Variants in KCNA7 observed in about 807,000 individuals in gnomAD.
KCNA7 encodes potassium voltage-gated channel subfamily A member 7, also known as potassium channel, voltage gated shaker related subfamily A, member 7.
KCNA7 carries 15 observed loss-of-function variants against 21.5 expected under a neutral mutation model. That is an observed-to-expected ratio of 0.70 (90% CI 0.47 to 1.07). The LOEUF is 1.07. Among genes scored for constraint, KCNA7 ranks in the 50% least tolerant of loss-of-function variants. KCNA7 has a pLI of 0.00. For missense variants in KCNA7, 640 were observed against 651.6 expected, an observed-to-expected ratio of 0.98 and a Z score of 0.19; for synonymous variants, 298 against 291.0, an observed-to-expected ratio of 1.02 and a Z score of -0.24.
chr19:49,072,364 G>T lies in KCNA7; in HGVS notation c.222C>A (p.Ser74=). 1 of 1,594,082 alleles carries T rather than the reference G, an allele frequency of 6.3e-7. No homozygotes were observed. Among genetic ancestry groups the T allele is most frequent in the Non-Finnish European group, 8.5e-7 (1 of 1,175,228 alleles). The part of the protein sequence containing the change: ...SFDAVLYYYQ[S]GGRLRRPAHV... Reference sequence around the variant, plus strand: ...GCGCCGGCCGCCGCAGCCGCCCACCGGACTGGTAGTAGTAGAGCACGGCGT... The same window carrying T: ...GCGCCGGCCGCCGCAGCCGCCCACCTGACTGGTAGTAGTAGAGCACGGCGT... The change falls in exon 1 of 2, where the codon TCC becomes TCA. Residue 74 remains serine, a synonymous_variant. Transcript: ENST00000221444.
rs771254385 is a variant in KCNA7 at position 49,070,027 on chromosome 19, A to G, written c.*36T>C. ...CACCCTGCCCTCCCTCCCTCCCTCTAGGGAGGTGTGAGGTCCTGCAGACCT... is the reference window on the plus strand; with the variant it reads ...CACCCTGCCCTCCCTCCCTCCCTCTGGGGAGGTGTGAGGTCCTGCAGACCT... On this transcript the variant is annotated 3_prime_UTR_variant, in exon 2 of 2. Transcript: ENST00000221444. This position sits in a 1 kb window ranked among gnomAD's most constrained non-coding sequence, Gnocchi z 4.3. 7.3e-6 allele frequency: 11 copies of G among 1,510,112 alleles called. No homozygotes were observed. In the East Asian group the frequency reaches 2.3e-4, roughly 31 times the overall value. The allele number at this position is 1,510,112 out of a possible 1,614,324, so 93.5% of individuals were successfully genotyped here.
chr19:49,070,812 G>C lies in KCNA7; in HGVS notation c.622C>G (p.Pro208Ala), dbSNP rs756719638. Residue 208 changes from proline to alanine, a missense_variant, in exon 2 of 2, where the codon CCG (proline) becomes GCG (alanine). By Grantham distance (27) the Pro-to-Ala change is conservative. Coordinates refer to ENST00000221444, the MANE Select transcript of KCNA7 (RefSeq NM_031886.3). This position sits in a 1 kb window ranked among gnomAD's most constrained non-coding sequence, Gnocchi z 4.3. ...CACAGCGTCTCCACCACGAAGAACG[G>C]GTCATTGAAGGGCAGGCGGGGTGGA... ...GNPPRLPFND[P>A]FFVVETLCIC... The C allele has an allele frequency of 6.2e-7, 1 of 1,614,216 alleles. No homozygotes were observed. Among genetic ancestry groups the C allele is most frequent in the Non-Finnish European group, 8.5e-7 (1 of 1,180,032 alleles).
At position 49,068,700 on chromosome 19, in the gene KCNA7, A is replaced by G. The variant is rs11673003; in HGVS notation, c.*1363T>C. ...TCTGCCATACCCCACCCTCCAGGTCATTGTCTCCCTCTCCCTGAGTCTCTG... is the reference window on the plus strand; with the variant it reads ...TCTGCCATACCCCACCCTCCAGGTCGTTGTCTCCCTCTCCCTGAGTCTCTG... On this transcript the variant is annotated 3_prime_UTR_variant, in exon 2 of 2. Coordinates refer to ENST00000221444, the MANE Select transcript of KCNA7 (RefSeq NM_031886.3). 22,508 of 151,938 alleles carry G rather than the reference A, an allele frequency of 0.15. 2,113 individuals carry two copies. Among genetic ancestry groups the G allele is most frequent in the African/African-American group, 0.26 (10,723 of 41,362 alleles). The allele number at this position is 151,938 out of a possible 1,614,324, so 9.4% of individuals were successfully genotyped here. A position where few individuals can be genotyped will look rare whatever the true frequency, so the allele number is the denominator to read the frequency against.
chr19:49,072,000 CGCCCGTCTCCACCCA>C lies in KCNA7; in HGVS notation c.555+16_555+30del, dbSNP rs2040260942. 1 of 1,517,556 alleles carries C rather than the reference CGCCCGTCTCCACCCA, an allele frequency of 6.6e-7. No homozygotes were observed. Among genetic ancestry groups the C allele is most frequent in the Non-Finnish European group, 8.9e-7 (1 of 1,121,460 alleles). The allele number at this position is 1,517,556 out of a possible 1,614,324, so 94.0% of individuals were successfully genotyped here. A position where few individuals can be genotyped will look rare whatever the true frequency, so the allele number is the denominator to read the frequency against. On this transcript the variant is annotated intron_variant, in intron 1 of 1. Coordinates refer to ENST00000221444, the MANE Select transcript of KCNA7 (RefSeq NM_031886.3). ...ACCCCGCCCATCTCCTCCCAAACCC[CGCCCGTCTCCACCCA>C]CGCCCCGCCTCTCACCGGGCCGGCT... is the stretch of plus-strand genomic sequence containing the variant.
At position 49,072,540 on chromosome 19, in the gene KCNA7, C is replaced by G; in HGVS notation, c.46G>C (p.Val16Leu). ...PPPCGCCERL[V>L]LNVAGLRFET... The stretch of plus-strand genomic sequence containing the variant: ...AAGCGCAGCCCGGCCACGTTGAGCA[C>G]CAGCCGCTCGCAGCAGCCGCACGGC... The change falls in exon 1 of 2, where the codon GTG becomes CTG. Residue 16 changes from valine to leucine, a missense_variant. Coordinates refer to ENST00000221444, the MANE Select transcript of KCNA7 (RefSeq NM_031886.3). The G allele has an allele frequency of 7.1e-7, 1 of 1,414,060 alleles. No individual in the cohort carries two copies. The highest frequency in any genetic ancestry group is 9.2e-7 in the Non-Finnish European group (1 of 1,090,616). 87.6% of individuals were successfully genotyped at this position (1,414,060 alleles called of 1,614,324 possible). A position where few individuals can be genotyped will look rare whatever the true frequency, so the allele number is the denominator to read the frequency against.
At position 49,070,956 on chromosome 19, in the gene KCNA7, C is replaced by A; in HGVS notation, c.556-78G>T. On this transcript the variant is annotated intron_variant, in intron 1 of 1. Coordinates refer to ENST00000221444, the MANE Select transcript of KCNA7 (RefSeq NM_031886.3). The surrounding 1 kb of genome is among the most constrained non-coding windows in gnomAD (Gnocchi z 4.3). Reference sequence around the variant, plus strand: ...ACAGCCTTAATCATCATTTAAATACCCAGCTCCTCTTTACACATTGGTCAG... The same window carrying A: ...ACAGCCTTAATCATCATTTAAATACACAGCTCCTCTTTACACATTGGTCAG... The A allele has an allele frequency of 8.0e-7, 1 of 1,250,406 alleles. No individual in the cohort carries two copies. The highest frequency in any genetic ancestry group is 2.5e-5 in the East Asian group (1 of 40,026). 77.5% of individuals were successfully genotyped at this position (1,250,406 alleles called of 1,614,324 possible). A position where few individuals can be genotyped will look rare whatever the true frequency, so the allele number is the denominator to read the frequency against.
In KCNA7 at chr19:49,072,420, A is replaced by G. The variant is rs749065402; in HGVS notation, c.166T>C (p.Tyr56His). ...CTGGGCCGGTGCCGGTCGAAGAAAT[A>G]CTCGCGGCGCGCGTCGTCGTAGAAG... ...GRFYDDARREYFFDRHRPSFD... is the reference protein window; with the variant it reads ...GRFYDDARREHFFDRHRPSFD... The change falls in exon 1 of 2, where the codon TAT (tyrosine) becomes CAT (histidine). Residue 56 changes from tyrosine to histidine, a missense_variant. Coordinates refer to ENST00000221444, the MANE Select transcript of KCNA7 (RefSeq NM_031886.3). 1.9e-6 allele frequency: 3 copies of G among 1,578,738 alleles called. No homozygotes were observed. In the African/African-American group the frequency reaches 4.2e-5, roughly 22 times the overall value.
Position 49,067,678 on chromosome 19 carries a change from C to T in KCNA7, c.*2385G>A, listed in dbSNP as rs1414763890. ...AAGCAGACAGACAGCCTGCCTGGCC[C>T]CTGGGGACAAGCTGTGAGACCTTGG... On this transcript the variant is annotated 3_prime_UTR_variant, in exon 2 of 2. Coordinates refer to ENST00000221444, the MANE Select transcript of KCNA7 (RefSeq NM_031886.3). 1 of 152,132 alleles carries T rather than the reference C, an allele frequency of 6.6e-6. No homozygotes were observed. Among genetic ancestry groups the T allele is most frequent in the East Asian group, 1.9e-4 (1 of 5,170 alleles). 9.4% of individuals were successfully genotyped at this position (152,132 alleles called of 1,614,324 possible). A position where few individuals can be genotyped will look rare whatever the true frequency, so the allele number is the denominator to read the frequency against.
intron 1 of KCNA7, among the ~76,000 whole-genome samples, chr19:49,071,780 C>A (rs900445003): frequency 1.3e-5 from 2 of 152,156 alleles, no homozygotes; most frequent in African/African-American, 4.8e-5. Flanking sequence ...TTTTAAGGTT[C>A]CTGTCCTCCT....
intron 1 of KCNA7, among the ~76,000 whole-genome samples, chr19:49,071,151 C>G (rs779210840): frequency 6.6e-6 from 1 of 152,106 alleles, no homozygotes; most frequent in Non-Finnish European, 1.5e-5. Context: ...AGGGTGCAAC[C>G]TCTTCTCTCT....
Position 49,072,690 on chromosome 19 carries a change from CCCGGTGT to C in KCNA7, c.-112_-106del, listed in dbSNP as rs536654625. 66,342 of 805,984 alleles carry C rather than the reference CCCGGTGT, an allele frequency of 0.082. 4,290 individuals are homozygous for C. Among genetic ancestry groups the C allele is most frequent in the African/African-American group, 0.24 (12,397 of 52,122 alleles). The allele number at this position is 805,984 out of a possible 1,614,324, so 49.9% of individuals were successfully genotyped here. A position where few individuals can be genotyped will look rare whatever the true frequency, so the allele number is the denominator to read the frequency against. On this transcript the variant is annotated 5_prime_UTR_variant, in exon 1 of 2. Coordinates refer to ENST00000221444, the MANE Select transcript of KCNA7 (RefSeq NM_031886.3). ...TCGGCCGCCGCCGCCGCCGCCCCAGCCCGGTGTCCGGTGTCCGGTGTCCGCGCGTAAA... is the reference window on the plus strand; with the variant it reads ...TCGGCCGCCGCCGCCGCCGCCCCAGCCCGGTGTCCGGTGTCCGCGCGTAAA...
rs1183210091 is a variant in KCNA7 at position 49,072,133 on chromosome 19, C to A, written c.453G>T (p.Leu151=). ...AARVLAVVSV[L]VILVSIVVFC... is the part of the protein sequence containing the mutation. ...AGACGACGATGGAGACGAGGATGAC[C>A]AGCACGGAGACTACGGCGAGCACGC... Residue 151 remains leucine, a synonymous_variant, in exon 1 of 2, where the codon CTG becomes CTT. Transcript: ENST00000221444. The A allele has an allele frequency of 6.2e-7, 1 of 1,612,478 alleles. No homozygotes were observed. The highest frequency in any genetic ancestry group is 1.1e-5 in the South Asian group (1 of 91,082).
In KCNA7 at chr19:49,070,574, C is replaced by G. The variant is rs368469824; in HGVS notation, c.860G>C (p.Arg287Pro). The G allele has an allele frequency of 6.2e-7, 1 of 1,614,158 alleles. No homozygotes were observed. The highest frequency in any genetic ancestry group is 1.3e-5 in the African/African-American group (1 of 75,058). The change falls in exon 2 of 2, where the codon CGC becomes CCC. Residue 287 changes from arginine (R) to proline (P), a missense_variant. Transcript: ENST00000221444. The surrounding 1 kb of genome is among the most constrained non-coding windows in gnomAD (Gnocchi z 4.3). ...TGAGTGCCGGGACAGCTTGAAGATG[C>G]GGAAGACACGCACCAATCGGATGAC... ...LRVIRLVRVF[R>P]IFKLSRHSKG...
Position 49,072,665 on chromosome 19 carries a change from T to G in KCNA7, c.-80A>C. 6.6e-6 allele frequency: 6 copies of G among 903,858 alleles called. No individual in the cohort carries two copies. Among genetic ancestry groups the G allele is most frequent in the Non-Finnish European group, 7.9e-6 (6 of 757,400 alleles). The allele number at this position is 903,858 out of a possible 1,614,324, so 56.0% of individuals were successfully genotyped here. ...CCGGTGCGGCCCCGCCTCGGCCGCC[T>G]CGGCCGCCGCCGCCGCCGCCCCAGC... On this transcript the variant is annotated 5_prime_UTR_variant, in exon 1 of 2. Coordinates refer to ENST00000221444, the MANE Select transcript of KCNA7 (RefSeq NM_031886.3).
At position 49,069,791 on chromosome 19, in the gene KCNA7, C is replaced by T. The variant is rs2040243017; in HGVS notation, c.*272G>A. 2.2e-6 allele frequency: 1 copy of T among 448,416 alleles called. No homozygotes were observed. The highest frequency in any genetic ancestry group is 3.7e-5 in the South Asian group (1 of 27,396). The allele number at this position is 448,416 out of a possible 1,614,324, so 27.8% of individuals were successfully genotyped here. A position where few individuals can be genotyped will look rare whatever the true frequency, so the allele number is the denominator to read the frequency against. ...ATCTCAACACTACCCCAAAAGGCTC[C>T]ATGAGCTTTGCACAACTCAGAGTAA... On this transcript the variant is annotated 3_prime_UTR_variant, in exon 2 of 2. Coordinates refer to ENST00000221444, the MANE Select transcript of KCNA7 (RefSeq NM_031886.3).
intron 1 of KCNA7, 118 bp downstream of exon 1, chr19:49,071,913 T>G: frequency 3.5e-6 from 2 of 576,594 alleles, no homozygotes; most frequent in Non-Finnish European, 5.6e-6. Flanking sequence ...CCACCCTGTC[T>G]TCGGCTGGCC....
rs564876042 is a variant in KCNA7, at chr19:49,067,940, C to T, written c.*2123G>A. 2.0e-5 allele frequency: 3 copies of T among 151,610 alleles called. No homozygotes were observed. In the East Asian group the frequency reaches 5.8e-4, roughly 29 times the overall value. 9.4% of individuals were successfully genotyped at this position (151,610 alleles called of 1,614,324 possible). A position where few individuals can be genotyped will look rare whatever the true frequency, so the allele number is the denominator to read the frequency against. On this transcript the variant is annotated 3_prime_UTR_variant, in exon 2 of 2. Transcript: ENST00000221444. ...TTTGAGACAGAGTGTTGCTCTGCTGCCCAGGCTGGAGTGCAGTGGCGCAAT... is the reference window on the plus strand; with the variant it reads ...TTTGAGACAGAGTGTTGCTCTGCTGTCCAGGCTGGAGTGCAGTGGCGCAAT...
rs2040236063 is a variant in KCNA7 at position 49,068,721 on chromosome 19, C to T, written c.*1342G>A. 1 of 152,348 alleles carries T rather than the reference C, an allele frequency of 6.6e-6. No individual in the cohort carries two copies. 9.4% of individuals were successfully genotyped at this position (152,348 alleles called of 1,614,324 possible). A position where few individuals can be genotyped will look rare whatever the true frequency, so the allele number is the denominator to read the frequency against. ...GGTCATTGTCTCCCTCTCCCTGAGT[C>T]TCTGTTTCTCTCCCTTTGGGTCTCT... On this transcript the variant is annotated 3_prime_UTR_variant, in exon 2 of 2. Transcript: ENST00000221444.
At chr19:49,071,837 T>A (rs549032940) in intron 1 of KCNA7, among the ~76,000 whole-genome samples, 194 bp downstream of exon 1, 19 of 152,346 alleles carry the variant, frequency 1.2e-4, no homozygotes, top group Non-Finnish European at 2.1e-4. Flanking sequence ...GGTTTCTCAC[T>A]GACCTCAACC....
Sources: allele counts gnomAD v4.1 joint callset (sites outside exome capture counted in the v4.1 genomes callset), GRCh38; gene constraint gnomAD v4.1.1; non-coding constraint Gnocchi (gnomAD v3.1); transcripts MANE v1.5; gene names NCBI Gene and HGNC (gene_info 2026-07-23, HGNC 2026-07-21).